The following CCDC183 variants were observed in gnomAD, a reference collection of about 807,000 sequenced individuals.
The protein encoded by CCDC183 is coiled-coil domain containing 183, also known as coiled-coil domain-containing protein 183.
In CCDC183, 63 loss-of-function variants were observed where a neutral mutation model predicts 65.2. The ratio of observed to expected loss-of-function variants is 0.97; its 90% confidence interval spans 0.79 to 1.19. The LOEUF (loss-of-function observed/expected upper bound fraction) is 1.19. CCDC183 is among the 50% of genes most tolerant of loss of function. The probability of loss-of-function intolerance (pLI) is 0.00; values close to 1 mark genes in which losing one functional copy is unlikely to be tolerated. For synonymous variants in CCDC183, 323 were observed against 276.5 expected, an observed-to-expected ratio of 1.17 and a Z score of -1.67; for missense variants, 769 against 689.3, an observed-to-expected ratio of 1.12 and a Z score of -1.30.
At position 136,799,934 on chromosome 9, in the gene CCDC183, C is replaced by T. The variant is rs910348830; in HGVS notation, c.271-68C>T. 32 of 1,536,672 alleles carry T rather than the reference C, an allele frequency of 2.1e-5. No individual in the cohort carries two copies. In the Middle Eastern group the frequency reaches 2.1e-3, roughly 100 times the overall value. ...GGGTTGCCACGAGCCTCCACCCGCC[C>T]GCCTGCTGGCGGGCTCCATGGCGGC... On this transcript the variant is annotated intron_variant, in intron 3 of 13. Coordinates refer to ENST00000338005, the MANE Select transcript of CCDC183 (RefSeq NM_001039374.5).
chr9:136,806,156 C>A lies in CCDC183; in HGVS notation c.1027C>A (p.Arg343=). 6.4e-7 allele frequency: 1 copy of A among 1,551,196 alleles called. No individual in the cohort carries two copies. The highest frequency in any genetic ancestry group is 8.7e-7 in the Non-Finnish European group (1 of 1,146,960). ...ELQMEDCEEW[R]VQLKALVKQL... is the part of the protein sequence containing the mutation. The stretch of plus-strand genomic sequence containing the variant: ...GCAGATGGAGGACTGTGAGGAGTGG[C>A]GGGTGCAGCTGAAGGCCCTGGTGAA... Residue 343 remains arginine, a synonymous_variant, in exon 10 of 14, where the codon CGG becomes AGG. Transcript: ENST00000338005.
intron 5 of CCDC183, among the ~76,000 whole-genome samples, chr9:136,801,714 G>A (rs1847739354): frequency 1.3e-5 from 2 of 151,956 alleles, no homozygotes; most frequent in Non-Finnish European, 2.9e-5. Flanking sequence ...TCAGAACAAA[G>A]GAAAAAACAA....
chr9:136,805,399 C>T lies in CCDC183; in HGVS notation c.890C>T (p.Ser297Leu), dbSNP rs753176746. Residue 297 changes from serine (S) to leucine (L), a missense_variant, in exon 9 of 14, where the codon TCG (serine) becomes TTG (leucine). Ser to Leu is a moderately radical substitution (Grantham distance 145). Transcript: ENST00000338005. ...ETSTAEMEYQSGVTAVVEKVK... is the reference protein window; with the variant it reads ...ETSTAEMEYQLGVTAVVEKVK... The stretch of plus-strand genomic sequence containing the variant: ...TCCACAGCAGAAATGGAATACCAGT[C>T]GGGCGTGACTGCTGTGGTGGAGAAG... 122 of 1,613,868 alleles carry T rather than the reference C, an allele frequency of 7.6e-5. 1 individual carries two copies. Among genetic ancestry groups the T allele is most frequent in the Middle Eastern group, 4.9e-4 (3 of 6,082 alleles).
chr9:136,796,454 C>T lies in CCDC183; in HGVS notation c.57C>T (p.Ile19=), dbSNP rs1588328109. The T allele has an allele frequency of 1.3e-6, 2 of 1,566,796 alleles. No homozygotes were observed. The highest frequency in any genetic ancestry group is 2.7e-5 in the African/African-American group (2 of 74,614). The stretch of plus-strand genomic sequence containing the variant: ...AGCAGACCCAGGAGCTGAAGACCAT[C>T]ACTCAGCTCCAGGGTGAGCCTGCAC... ...VEEQTQELKT[I]TQLQEQCRAL... The change falls in exon 1 of 14, where the codon ATC becomes ATT. Residue 19 remains isoleucine (I), a synonymous_variant. Transcript: ENST00000338005.
At chr9:136,807,499 G>T in intron 13 of CCDC183, 73 bp from the exon 14 acceptor site, 1 of 1,487,338 alleles carries the variant, frequency 6.7e-7, no homozygotes, top group Admixed American at 2.4e-5. Flanking sequence ...TGGAGGGCGG[G>T]GGCGAGAGGC....
At position 136,799,147 on chromosome 9, in the gene CCDC183, A is replaced by G. The variant is rs761959691; in HGVS notation, c.116A>G (p.Asp39Gly). The G allele has an allele frequency of 6.2e-6, 10 of 1,613,394 alleles. No homozygotes were observed. Among genetic ancestry groups the G allele is most frequent in the Non-Finnish European group, 8.5e-6 (10 of 1,179,908 alleles). The change falls in exon 2 of 14, where the codon GAC becomes GGC. Residue 39 changes from aspartate (D) to glycine (G), a missense_variant. By Grantham distance (94) the Asp-to-Gly change is moderately conservative. Transcript: ENST00000338005. ...ATCCAAGGGGTGAAAGAGAATATGG[A>G]CCAGAACAAGGCCACGCTGGCCCTC... Reference protein sequence around the residue: ...LQIQGVKENMDQNKATLALLR... With the variant: ...LQIQGVKENMGQNKATLALLR...
rs747649538 is a variant in CCDC183 at position 136,804,673 on chromosome 9, G to T, written c.792+46G>T. On this transcript the variant is annotated intron_variant, in intron 7 of 13. Transcript: ENST00000338005. This position sits in a 1 kb window ranked among gnomAD's most constrained non-coding sequence, Gnocchi z 4.1. Reference sequence around the variant, plus strand: ...TGGCTGGCTGCCCATCCCCATGACAGCTGGGTGGACACAGGCTCAGGGCCA... The same window carrying T: ...TGGCTGGCTGCCCATCCCCATGACATCTGGGTGGACACAGGCTCAGGGCCA... 6.2e-7 allele frequency: 1 copy of T among 1,612,968 alleles called. No individual in the cohort carries two copies. The highest frequency in any genetic ancestry group is 1.3e-5 in the African/African-American group (1 of 74,992).
intron 1 of CCDC183, among the ~76,000 whole-genome samples, chr9:136,796,756 G>A (rs1419028114): frequency 6.6e-6 from 1 of 152,180 alleles, no homozygotes; most frequent in East Asian, 1.9e-4. Context: ...GTGTTTGCAG[G>A]CAGTATGCTT....
chr9:136,800,588 G>C (rs776823491), intron 5 of CCDC183, 95 bp downstream of exon 5: 4 of 890,780 alleles, frequency 4.5e-6, no homozygotes, highest in Admixed American at 2.4e-5. Flanking sequence ...ACCCGCCAGG[G>C]AGAGGGAGCT....
intron 5 of CCDC183, among the ~76,000 whole-genome samples, chr9:136,801,737 A>G (rs1056773034): frequency 1.3e-5 from 2 of 152,168 alleles, no homozygotes; most frequent in Non-Finnish European, 2.9e-5. Flanking sequence ...AATAATTCCC[A>G]TAGTCATCCA....
chr9:136,796,868 A>G (rs1847656454), intron 1 of CCDC183, among the ~76,000 whole-genome samples: 1 of 152,192 alleles, frequency 6.6e-6, no homozygotes, highest in Admixed American at 6.5e-5. Context: ...GAATTGTCCA[A>G]GGTTTCCCCC....
rs1847842961 is a variant in CCDC183 at position 136,806,152 on chromosome 9, G to A, written c.1023G>A (p.Glu341=). The A allele has an allele frequency of 1.3e-6, 2 of 1,550,318 alleles. No homozygotes were observed. Among genetic ancestry groups the A allele is most frequent in the South Asian group, 2.4e-5 (2 of 84,082 alleles). Residue 341 remains glutamate (E), a synonymous_variant, in exon 10 of 14, where the codon GAG becomes GAA. Transcript: ENST00000338005. ...NLELQMEDCE[E]WRVQLKALVK... is the part of the protein sequence containing the mutation. ...AGCTGCAGATGGAGGACTGTGAGGA[G>A]TGGCGGGTGCAGCTGAAGGCCCTGG...
chr9:136,802,629 C>A, intron 5 of CCDC183, 35 bp from the exon 6 acceptor site: 1 of 1,586,244 alleles, frequency 6.3e-7, no homozygotes, highest in South Asian at 1.2e-5. Context: ...GCAGCCCACT[C>A]TGTAGGGGCC....
chr9:136,801,475 G>A (rs184887224), intron 5 of CCDC183, among the ~76,000 whole-genome samples: 13 of 152,254 alleles, frequency 8.5e-5, no homozygotes, highest in Non-Finnish European at 1.8e-4. Context: ...GGAGGCCAAG[G>A]CAGGCGGATC....
intron 4 of CCDC183, 87 bp from the exon 5 acceptor site, chr9:136,800,302 A>G: frequency 1.4e-6 from 2 of 1,459,892 alleles, no homozygotes; most frequent in Non-Finnish European, 1.9e-6. Context: ...CTAAGAGAGC[A>G]CGACCCTCTC....
chr9:136,796,450 C>T lies in CCDC183; in HGVS notation c.53C>T (p.Thr18Ile). The change falls in exon 1 of 14, where the codon ACC becomes ATC. Residue 18 changes from threonine (T) to isoleucine (I), a missense_variant. Thr to Ile is a moderately conservative substitution (Grantham distance 89, BLOSUM62 -1). Transcript: ENST00000338005. ...GAAGAGCAGACCCAGGAGCTGAAGACCATCACTCAGCTCCAGGGTGAGCCT... is the reference window on the plus strand; with the variant it reads ...GAAGAGCAGACCCAGGAGCTGAAGATCATCACTCAGCTCCAGGGTGAGCCT... Reference protein sequence around the residue: ...DVEEQTQELKTITQLQEQCRA... With the variant: ...DVEEQTQELKIITQLQEQCRA... The T allele has an allele frequency of 3.2e-6, 5 of 1,571,500 alleles. No individual in the cohort carries two copies. Among genetic ancestry groups the T allele is most frequent in the Non-Finnish European group, 4.3e-6 (5 of 1,157,342 alleles).
In CCDC183 at chr9:136,804,081, A is replaced by C; in HGVS notation, c.667-421A>C. The C allele has an allele frequency of 5.3e-6, 1 of 187,914 alleles. No homozygotes were observed. The highest frequency in any genetic ancestry group is 1.0e-4 in the South Asian group (1 of 9,938). The allele number at this position is 187,914 out of a possible 1,614,324, so 11.6% of individuals were successfully genotyped here. A position where few individuals can be genotyped will look rare whatever the true frequency, so the allele number is the denominator to read the frequency against. Reference sequence around the variant, plus strand: ...AACCCCACTAAGCGCTGGCAACGAGAGTGGCGAGGGTGAGAGCAGTGTCTG... The same window carrying C: ...AACCCCACTAAGCGCTGGCAACGAGCGTGGCGAGGGTGAGAGCAGTGTCTG... On this transcript the variant is annotated intron_variant, in intron 6 of 13. Coordinates refer to ENST00000338005, the MANE Select transcript of CCDC183 (RefSeq NM_001039374.5). This position sits in a 1 kb window ranked among gnomAD's most constrained non-coding sequence, Gnocchi z 4.1.
At chr9:136,807,409 G>T in intron 13 of CCDC183, 163 bp from the exon 14 acceptor site, 1 of 913,600 alleles carries the variant, frequency 1.1e-6, no homozygotes, top group Non-Finnish European at 1.6e-6. Context: ...AGGGCAGCGT[G>T]AGCCGCTGCG....
intron 5 of CCDC183, 142 bp from the exon 6 acceptor site, chr9:136,802,522 T>C: frequency 8.4e-7 from 1 of 1,196,734 alleles, no homozygotes; most frequent in Non-Finnish European, 1.2e-6. Flanking sequence ...ATCACCGTTG[T>C]GCCCAGCGGG....
Sources: gnomAD v4.1 joint callset for allele counts (sites outside exome capture counted in the v4.1 genomes callset) on GRCh38, gnomAD v4.1.1 for gene constraint, Gnocchi (gnomAD v3.1) non-coding constraint, MANE v1.5 for transcripts, NCBI Gene and HGNC (gene_info 2026-07-23, HGNC 2026-07-21) for gene names.